The following MBNL2 variants were observed in gnomAD, a reference collection of about 807,000 sequenced individuals.
The protein encoded by MBNL2 is muscleblind like splicing regulator 2.
Under a neutral mutation model 41.9 loss-of-function variants are expected in MBNL2, and 17 were observed. The observed-to-expected ratio is 0.41, with a 90% confidence interval of 0.28 to 0.61. The LOEUF (loss-of-function observed/expected upper bound fraction) is 0.61, where lower values mean the gene tolerates loss of function less well. Ranked by LOEUF, MBNL2 falls within the 20% of genes least tolerant of loss-of-function variation. The probability of loss-of-function intolerance (pLI) is 0.35; values close to 1 mark genes in which losing one functional copy is unlikely to be tolerated. For synonymous variants in MBNL2, 195 were observed against 182.9 expected (o/e 1.07, Z -0.53); for missense variants, 336 against 505.6 (o/e 0.66, Z 3.22).
intron 2 of MBNL2, among the ~76,000 whole-genome samples, chr13:97,301,227 C>T (rs1392715983): frequency 1.3e-5 from 2 of 152,180 alleles, no homozygotes. Flanking sequence ...CTGCTACAGG[C>T]TGTGCACTGT....
the MBNL2 span, among the ~76,000 whole-genome samples, chr13:97,188,411 A>G: frequency 6.6e-6 from 1 of 152,120 alleles, no homozygotes; most frequent in Non-Finnish European, 1.5e-5. Context: ...GAGTGGAGAC[A>G]TTTGCTGGGA....
intron 2 of MBNL2, among the ~76,000 whole-genome samples, chr13:97,331,303 A>C (rs2060416501): frequency 6.6e-6 from 1 of 152,214 alleles, no homozygotes; most frequent in Non-Finnish European, 1.5e-5. Flanking sequence ...GGATGAAGAA[A>C]AAAGTCAAGT....
At chr13:97,309,779 G>A (rs931321070) in intron 2 of MBNL2, among the ~76,000 whole-genome samples, 5 of 152,110 alleles carry the variant, frequency 3.3e-5, no homozygotes, top group African/African-American at 1.2e-4. Flanking sequence ...CTTGAGCATG[G>A]CTCATGCCAT....
the MBNL2 span, among the ~76,000 whole-genome samples, chr13:97,185,631 A>C: frequency 6.6e-6 from 1 of 152,244 alleles, no homozygotes; most frequent in African/African-American, 2.4e-5. Flanking sequence ...AGCCATGAGC[A>C]GAGGCATGTG....
At chr13:97,329,774 A>T (rs200472621) in intron 2 of MBNL2, among the ~76,000 whole-genome samples, 1 of 28 alleles carries the variant, frequency 0.036, no homozygotes, top group Non-Finnish European at 0.045. Context: ...CACACACACA[A>T]CAGGAAACAC....
chr13:97,313,060 G>C (rs1301608363), intron 2 of MBNL2, among the ~76,000 whole-genome samples: 2 of 152,136 alleles, frequency 1.3e-5, no homozygotes, highest in Admixed American at 6.5e-5. Context: ...GAAGCACAGA[G>C]GAAAATAAAT....
chr13:97,274,722 A>G (rs1297119301), intron 1 of MBNL2, among the ~76,000 whole-genome samples: 1 of 152,192 alleles, frequency 6.6e-6, no homozygotes, highest in African/African-American at 2.4e-5. Context: ...TGCTTGTCCC[A>G]GTAACTGGAA....
intron 2 of MBNL2, among the ~76,000 whole-genome samples, chr13:97,294,617 G>T (rs2056738651): frequency 6.6e-6 from 1 of 152,224 alleles, no homozygotes; most frequent in Non-Finnish European, 1.5e-5. Flanking sequence ...ATGGATCCCA[G>T]TGTTCTGTAT....
chr13:97,391,217 G>T (rs1290402128), intron 8 of MBNL2, 105 bp from the exon 9 acceptor site: 3 of 647,270 alleles, frequency 4.6e-6, no homozygotes, highest in Non-Finnish European at 8.2e-6. Flanking sequence ...AGAGATTGAA[G>T]AAAACTCTGA....
At chr13:97,183,231 T>C in the MBNL2 span, among the ~76,000 whole-genome samples, 1 of 152,218 alleles carries the variant, frequency 6.6e-6, no homozygotes, top group Non-Finnish European at 1.5e-5. Context: ...GATCTCTGTG[T>C]GTCTCTCTAT....
intron 3 of MBNL2, among the ~76,000 whole-genome samples, chr13:97,339,883 C>G (rs115848502): frequency 0.2 from 23,510 of 120,276 alleles, 3,289 homozygotes; most frequent in Non-Finnish European, 0.24. Context: ...GCGGGGGGGG[C>G]GTTGTTTTTC....
At chr13:97,214,439 C>T in the MBNL2 span, among the ~76,000 whole-genome samples, 14 of 152,262 alleles carry the variant, frequency 9.2e-5, no homozygotes, top group African/African-American at 3.4e-4. Context: ...ATGTTGGGTA[C>T]TGGACAACCA....
chr13:97,175,310 C>A, the MBNL2 span, among the ~76,000 whole-genome samples: 5 of 152,174 alleles, frequency 3.3e-5, 1 homozygote, highest in Admixed American at 2.0e-4. Flanking sequence ...CCCGTTTATC[C>A]TTCATAGGTG....
the MBNL2 span, among the ~76,000 whole-genome samples, chr13:97,159,765 T>A: frequency 6.6e-6 from 1 of 151,788 alleles, no homozygotes; most frequent in Middle Eastern, 3.4e-3. Flanking sequence ...CTGAGAGATC[T>A]GCTGTTAGTC....
intron 4 of MBNL2, among the ~76,000 whole-genome samples, chr13:97,344,994 G>A (rs1351269560): frequency 6.6e-6 from 1 of 152,186 alleles, no homozygotes; most frequent in Non-Finnish European, 1.5e-5. Flanking sequence ...ATTGATGGAG[G>A]AAGGCTTGCT....
chr13:97,250,985 C>T (rs1305070842), intron 1 of MBNL2, among the ~76,000 whole-genome samples: 1 of 151,954 alleles, frequency 6.6e-6, no homozygotes, highest in African/African-American at 2.4e-5. Flanking sequence ...TACAACTCAG[C>T]CAAGCCTCCT....
At chr13:97,373,320 G>T (rs909979916) in intron 8 of MBNL2, among the ~76,000 whole-genome samples, 2 of 152,004 alleles carry the variant, frequency 1.3e-5, no homozygotes, top group Non-Finnish European at 2.9e-5. Flanking sequence ...TGTAGAGGGG[G>T]GATTCAGGTT....
Position 97,346,284 on chromosome 13 carries a change from G to T in MBNL2, c.541-520G>T, listed in dbSNP as rs905816253. Among the ~76,000 whole-genome samples the T allele has an allele frequency of 2.0e-5, 3 of 151,814 alleles. No homozygotes were observed. Among genetic ancestry groups the T allele is most frequent in the Non-Finnish European group, 4.4e-5 (3 of 67,980 alleles). Reference sequence around the variant, plus strand: ...GGATGGATGGATGGATAGATGGATGGGTGGATGGATAGATAGATGGATAAT... The same window carrying T: ...GGATGGATGGATGGATAGATGGATGTGTGGATGGATAGATAGATGGATAAT... On this transcript the variant is annotated intron_variant, in intron 4 of 8. Transcript: ENST00000679496. The surrounding 1 kb of genome is among the most constrained non-coding windows in gnomAD (Gnocchi z 4.2).
intron 1 of MBNL2, among the ~76,000 whole-genome samples, chr13:97,266,654 T>A (rs2049874727): frequency 6.6e-6 from 1 of 152,152 alleles, no homozygotes; most frequent in South Asian, 2.1e-4. Flanking sequence ...TTTAAATTAG[T>A]CTCCAGAAAT....
Sources: gnomAD v4.1 joint callset for allele counts (sites outside exome capture counted in the v4.1 genomes callset) on GRCh38, gnomAD v4.1.1 for gene constraint, Gnocchi (gnomAD v3.1) non-coding constraint, MANE v1.5 for transcripts, NCBI Gene and HGNC (gene_info 2026-07-23, HGNC 2026-07-21) for gene names.